The following TAF6 variants were observed in gnomAD, a reference collection of about 807,000 sequenced individuals.
TAF6 encodes the protein transcription initiation factor TFIID subunit 6.
Under a neutral mutation model 73.5 loss-of-function variants are expected in TAF6, and 50 were observed. The observed-to-expected ratio is 0.68, with a 90% CI of 0.54 to 0.86. TAF6 has a LOEUF of 0.86. TAF6 is among the 40% of genes least tolerant of loss of function. The pLI is 0.00. For missense variants in TAF6, 768 were observed against 899.5 expected (o/e 0.85, Z 1.87); for synonymous variants, 424 against 376.7 (o/e 1.13, Z -1.45).
At chr7:100,119,918 G>A, upstream of TAF6, 1 of 1,497,914 alleles carries the variant, frequency 6.7e-7, no homozygotes, top group East Asian at 2.3e-5. Flanking sequence ...CCTTCTTCTA[G>A]GCCGGACATC....
upstream of TAF6, among the ~76,000 whole-genome samples, chr7:100,123,365 CAAAA>C (rs1006358320): frequency 2.7e-5 from 4 of 147,884 alleles, no homozygotes; most frequent in African/African-American, 5.1e-5. Context: ...AAAACAAAAA[CAAAA>C]AAAAAGAAAT....
Position 100,107,193 on chromosome 7 carries a change from C to CACGTGT in TAF6, c.*47_*52dup. 1 of 1,518,728 alleles carries CACGTGT rather than the reference C, an allele frequency of 6.6e-7. No individual in the cohort carries two copies. Among genetic ancestry groups the CACGTGT allele is most frequent in the Non-Finnish European group, 8.8e-7 (1 of 1,136,238 alleles). The allele number at this position is 1,518,728 out of a possible 1,614,324, so 94.1% of individuals were successfully genotyped here. A position where few individuals can be genotyped will look rare whatever the true frequency, so the allele number is the denominator to read the frequency against. On this transcript the variant is annotated 3_prime_UTR_variant, in exon 15 of 15. Transcript: ENST00000453269. The stretch of plus-strand genomic sequence containing the variant: ...TAGCGAGCATGCATGTGTGTACGTG[C>CACGTGT]ACGTGTGTACATGTCTGCATGTGTG...
upstream of TAF6, among the ~76,000 whole-genome samples, chr7:100,123,889 G>T (rs1484220203): frequency 6.6e-6 from 1 of 152,192 alleles, no homozygotes; most frequent in African/African-American, 2.4e-5. Context: ...CCAGCACTTT[G>T]GGAGGGCGAG....
upstream of TAF6, chr7:100,119,808 G>T (rs890342429): frequency 6.2e-6 from 10 of 1,613,994 alleles, no homozygotes; most frequent in Admixed American, 1.7e-5. Flanking sequence ...GGCTTGGGCT[G>T]GGATGTTGAA....
In TAF6 at chr7:100,107,310, G is replaced by A; in HGVS notation, c.1970C>T (p.Ala657Val). The change falls in exon 15 of 15, where the codon GCT becomes GTT. Residue 657 changes from alanine to valine, a missense_variant. Ala to Val is a moderately conservative substitution (Grantham distance 64). Around this residue, in one of 5 missense-constraint regions of TAF6, gnomAD observed 350 missense variants for 352.3 expected, o/e 0.99. Coordinates refer to ENST00000453269, the MANE Select transcript of TAF6 (RefSeq NM_139315.3). Reference protein sequence around the residue: ...KQEAGDSPPPAPGTPKANGSQ... With the variant: ...KQEAGDSPPPVPGTPKANGSQ... ...GCCATTGGCTTTTGGAGTCCCTGGA[G>A]CTGGAGGGGGACTGTCCCCAGCCTC... is the stretch of plus-strand genomic sequence containing the variant. The A allele has an allele frequency of 6.5e-7, 1 of 1,530,866 alleles. No individual in the cohort carries two copies. Among genetic ancestry groups the A allele is most frequent in the Non-Finnish European group, 8.8e-7 (1 of 1,139,730 alleles). The allele number at this position is 1,530,866 out of a possible 1,614,324, so 94.8% of individuals were successfully genotyped here. A position where few individuals can be genotyped will look rare whatever the true frequency, so the allele number is the denominator to read the frequency against.
intron 6 of TAF6, 108 bp downstream of exon 6, chr7:100,112,689 TG>T: frequency 7.0e-7 from 1 of 1,433,374 alleles, no homozygotes. Flanking sequence ...CACTCCAGCC[TG>T]GGTGACAGAG....
At chr7:100,116,960 C>T (rs1409471789) in intron 1 of TAF6, among the ~76,000 whole-genome samples, 1 of 152,036 alleles carries the variant, frequency 6.6e-6, no homozygotes, top group Non-Finnish European at 1.5e-5. Flanking sequence ...CATTTAACAT[C>T]TTTTGGGCAT....
chr7:100,110,392 CGTG>C, intron 10 of TAF6, 118 bp from the exon 11 acceptor site: 3 of 1,153,136 alleles, frequency 2.6e-6, no homozygotes, highest in African/African-American at 1.5e-5. Context: ...TGAGGCCAGA[CGTG>C]GTGGCTCACA....
chr7:100,126,737 A>T, the TAF6 span: 1 of 152,352 alleles, frequency 6.6e-6, no homozygotes, highest in Admixed American at 6.5e-5. Context: ...TGAGCCCAGG[A>T]GGTTGAGGCT....
Position 100,111,299 on chromosome 7 carries a change from A to C in TAF6, c.923T>G (p.Val308Gly). The C allele has an allele frequency of 6.2e-7, 1 of 1,613,948 alleles. No individual in the cohort carries two copies. The highest frequency in any genetic ancestry group is 1.1e-5 in the South Asian group (1 of 91,082). ...CTGTCTGCTCACGATGCAGGTCATC[A>C]CAGCTGGAATCAGCTCATGGACCTA... Reference protein sequence around the residue: ...EKYVHELIPAVMTCIVSRQLC... With the variant: ...EKYVHELIPAGMTCIVSRQLC... The change falls in exon 10 of 15, where the codon GTG becomes GGG. Residue 308 changes from valine (V) to glycine (G), a missense_variant. Coordinates refer to ENST00000453269, the MANE Select transcript of TAF6 (RefSeq NM_139315.3).
the TAF6 span, among the ~76,000 whole-genome samples, chr7:100,126,336 C>T: frequency 6.6e-6 from 1 of 151,560 alleles, no homozygotes; most frequent in African/African-American, 2.4e-5. Flanking sequence ...AACAAGACTC[C>T]GTCTCAAAAA....
Position 100,113,862 on chromosome 7 carries a change from A to G in TAF6, c.243+6T>C. On this transcript the variant is annotated splice_donor_region_variant and intron_variant, in intron 3 of 14. Transcript: ENST00000453269. ...CACCCCCCCCCCGCCTGTCTCCCCA[A>G]ATCACCTCGACATTCTTTAGCTTCA... 2 of 1,613,640 alleles carry G rather than the reference A, an allele frequency of 1.2e-6. No individual in the cohort carries two copies. Among genetic ancestry groups the G allele is most frequent in the East Asian group, 2.2e-5 (1 of 44,868 alleles).
At position 100,107,180 on chromosome 7, in the gene TAF6, ATGTGTGTACG is replaced by A. The variant is rs1796594284; in HGVS notation, c.*56_*65del. 68 of 1,517,948 alleles carry A rather than the reference ATGTGTGTACG, an allele frequency of 4.5e-5. No homozygotes were observed. In the South Asian group the frequency reaches 7.8e-4, roughly 17 times the overall value. 94.0% of individuals were successfully genotyped at this position (1,517,948 alleles called of 1,614,324 possible). ...ACTTCCTTCCGCTTAGCGAGCATGC[ATGTGTGTACG>A]TGCACGTGTGTACATGTCTGCATGT... is the stretch of plus-strand genomic sequence containing the variant. On this transcript the variant is annotated 3_prime_UTR_variant, in exon 15 of 15. Coordinates refer to ENST00000453269, the MANE Select transcript of TAF6 (RefSeq NM_139315.3).
rs1796796679 is a variant in TAF6, at chr7:100,108,438, C to T, written c.1387G>A (p.Val463Met). 1.9e-6 allele frequency: 3 copies of T among 1,613,854 alleles called. No homozygotes were observed. Among genetic ancestry groups the T allele is most frequent in the Non-Finnish European group, 2.5e-6 (3 of 1,179,884 alleles). ...GSLGPLLCSQ[V>M]VKARAQAALQ... Reference sequence around the variant, plus strand: ...GCAGCCTGGGCCCGAGCCTTGACCACCTGGGAGCAGAGGAGGGGCCCAAGG... The same window carrying T: ...GCAGCCTGGGCCCGAGCCTTGACCATCTGGGAGCAGAGGAGGGGCCCAAGG... The change falls in exon 13 of 15, where the codon GTG (valine) becomes ATG (methionine). Residue 463 changes from valine to methionine, a missense_variant. By Grantham distance (21) the Val-to-Met change is conservative. Around this residue, in one of 5 missense-constraint regions of TAF6, gnomAD observed 350 missense variants for 352.3 expected, o/e 0.99. Transcript: ENST00000453269.
At position 100,111,931 on chromosome 7, in the gene TAF6, G is replaced by A. The variant is rs781060963; in HGVS notation, c.789C>T (p.Ile263=). Residue 263 remains isoleucine, a synonymous_variant, in exon 8 of 15, where the codon ATC becomes ATT. Transcript: ENST00000453269. ...YQMLPRFSTF[I]SEGVRVNVVQ... is the part of the protein sequence containing the mutation. The stretch of plus-strand genomic sequence containing the variant: ...AACCTCATGCTCTCACCCCCTCCGA[G>A]ATAAAGGTACTGAACCGTGGCAGCA... 73 of 1,613,974 alleles carry A rather than the reference G, an allele frequency of 4.5e-5. No individual in the cohort carries two copies. The highest frequency in any genetic ancestry group is 6.7e-5 in the Admixed American group (4 of 59,988).
Position 100,107,596 on chromosome 7 carries a change from CG to C in TAF6, c.1683del (p.Gly562AlafsTer143). 6.2e-7 allele frequency: 1 copy of C among 1,613,332 alleles called. No individual in the cohort carries two copies. Among genetic ancestry groups the C allele is most frequent in the Non-Finnish European group, 8.5e-7 (1 of 1,179,824 alleles). On this transcript the variant is annotated frameshift_variant, in exon 15 of 15. Transcript: ENST00000453269. LOFTEE classifies it high-confidence loss of function. ...QQVLSLSTSA[P>X]GSGSTTTSPV... is the part of the protein sequence containing the mutation. ...GGCGAAGTGGTGGTGGAACCTGAGC[CG>C]GGGGCCGAGGTGCTGAGGGACAGGA...
upstream of TAF6, chr7:100,119,363 GT>G (rs2116875731): frequency 9.6e-7 from 1 of 1,043,678 alleles, no homozygotes; most frequent in South Asian, 3.2e-5. Flanking sequence ...CCGCCCCCTC[GT>G]GGGAGCAGGT....
upstream of TAF6, chr7:100,121,117 T>TATATATATATATATATA (rs1491228284): frequency 3.7e-4 from 13 of 35,122 alleles, no homozygotes; most frequent in African/African-American, 7.7e-4. Flanking sequence ...TATATATATA[T>TATATATATATATATATA]TTTTTTTTTT....
At chr7:100,122,608 T>C, upstream of TAF6, 11 of 1,562,568 alleles carry the variant, frequency 7.0e-6, no homozygotes, top group Non-Finnish European at 9.6e-6. Context: ...AGGACCCCAC[T>C]TCTCAGATAC....
Sources: allele counts gnomAD v4.1 joint callset (sites outside exome capture counted in the v4.1 genomes callset), GRCh38; gene constraint gnomAD v4.1.1; regional missense constraint gnomAD v4.1.1; transcripts MANE v1.5; gene names NCBI Gene and HGNC (gene_info 2026-07-23, HGNC 2026-07-21).